The following MPP7 variants were observed in gnomAD, a reference collection of about 807,000 sequenced individuals.
The protein encoded by MPP7 is MAGUK p55 scaffold protein 7.
A neutral mutation model predicts 76.5 loss-of-function variants in MPP7; 60 were observed. The ratio of observed to expected loss-of-function variants is 0.78; its 90% CI spans 0.64 to 0.97. The LOEUF (loss-of-function observed/expected upper bound fraction) is 0.97. Among genes scored for constraint, MPP7 ranks in the 50% least tolerant of loss-of-function variants. The pLI, the probability that MPP7 is intolerant of heterozygous loss-of-function variation, is 0.00. For synonymous variants in MPP7, 237 were observed against 244.5 expected (o/e 0.97, Z 0.29); for missense variants, 641 against 694.0 (o/e 0.92, Z 0.86).
chr10:28,144,080 G>T (rs186676662), intron 5 of MPP7, among the ~76,000 whole-genome samples: 1 of 152,044 alleles, frequency 6.6e-6, no homozygotes, highest in Admixed American at 6.6e-5. Context: ...GTAGAGATGG[G>T]GTTTCACCAT....
intron 11 of MPP7, among the ~76,000 whole-genome samples, chr10:28,107,314 T>G (rs1262638440): frequency 6.6e-6 from 1 of 152,194 alleles, no homozygotes; most frequent in Non-Finnish European, 1.5e-5. Context: ...GATCACCACC[T>G]TCTCTGAATC....
intron 12 of MPP7, among the ~76,000 whole-genome samples, chr10:28,074,428 G>C (rs148843999): frequency 0.022 from 3,328 of 152,222 alleles, 136 homozygotes; most frequent in African/African-American, 0.075. Flanking sequence ...CTCTTGAGTA[G>C]CTGGGATTAC....
intron 2 of MPP7, among the ~76,000 whole-genome samples, chr10:28,204,641 C>T (rs184706019): frequency 7.9e-5 from 12 of 152,226 alleles, no homozygotes; most frequent in African/African-American, 2.9e-4. Context: ...GAGATCATAA[C>T]ATCAATCTAC....
At chr10:28,207,496 C>A (rs1413657421) in intron 2 of MPP7, among the ~76,000 whole-genome samples, 1 of 151,914 alleles carries the variant, frequency 6.6e-6, no homozygotes, top group Non-Finnish European at 1.5e-5. Flanking sequence ...CCAACCTGGG[C>A]AACACAGTGA....
intron 2 of MPP7, 131 bp from the exon 3 acceptor site, chr10:28,202,402 A>G: frequency 1.7e-6 from 1 of 605,178 alleles, no homozygotes; most frequent in South Asian, 2.3e-5. Flanking sequence ...CAAGCTAAAC[A>G]CTTCTCCAAA....
At chr10:28,268,280 C>T (rs1185037157) in intron 1 of MPP7, among the ~76,000 whole-genome samples, 1 of 151,928 alleles carries the variant, frequency 6.6e-6, no homozygotes, top group Non-Finnish European at 1.5e-5. Context: ...AAGGAAAGAG[C>T]CCAATATGTT....
intron 1 of MPP7, among the ~76,000 whole-genome samples, chr10:28,250,570 G>T (rs575605828): frequency 6.6e-6 from 1 of 152,092 alleles, no homozygotes; most frequent in Non-Finnish European, 1.5e-5. Context: ...AGATCCTTAC[G>T]TGATCACTTG....
chr10:28,172,810 G>C (rs1030313499), intron 3 of MPP7, among the ~76,000 whole-genome samples: 2 of 152,068 alleles, frequency 1.3e-5, no homozygotes, highest in Non-Finnish European at 2.9e-5. Flanking sequence ...TTTTCTTTCA[G>C]TCACTACCAG....
intron 1 of MPP7, among the ~76,000 whole-genome samples, chr10:28,279,926 T>A (rs1456047683): frequency 6.6e-6 from 1 of 152,058 alleles, no homozygotes; most frequent in African/African-American, 2.4e-5. Context: ...ATGACTGTCA[T>A]GAGCCAAGGT....
chr10:28,186,321 G>C (rs1225071089), intron 3 of MPP7, among the ~76,000 whole-genome samples: 1 of 150,074 alleles, frequency 6.7e-6, no homozygotes, highest in Non-Finnish European at 1.5e-5. Context: ...ACTCCAGCCT[G>C]GGTGACAGAG....
chr10:28,213,889 A>G (rs1258526261), intron 2 of MPP7, among the ~76,000 whole-genome samples: 1 of 151,726 alleles, frequency 6.6e-6, no homozygotes, highest in Non-Finnish European at 1.5e-5. Flanking sequence ...GAAGTCATAA[A>G]TTGGTATACA....
chr10:28,286,908 T>C (rs1188804861), intron 1 of MPP7, among the ~76,000 whole-genome samples: 2 of 152,180 alleles, frequency 1.3e-5, no homozygotes, highest in Non-Finnish European at 2.9e-5. Flanking sequence ...CCTTTTGACC[T>C]TTTTAATATT....
At chr10:28,236,203 C>T (rs779186527) in intron 2 of MPP7, among the ~76,000 whole-genome samples, 3 of 152,152 alleles carry the variant, frequency 2.0e-5, no homozygotes, top group Non-Finnish European at 4.4e-5. Flanking sequence ...ATGTGTACAT[C>T]TTCCCTTCCA....
rs1009287189 is a variant in MPP7, at chr10:28,275,651, C to T, written c.-132+27210G>A. ...CAAACTCCTGACCTCAAGGGATCCA[C>T]CTGCCTCGGCCTCCCAAAATGCTGG... On this transcript the variant is annotated intron_variant, in intron 1 of 16. Transcript: ENST00000683449. 3.9e-5 allele frequency among the ~76,000 whole-genome samples: 6 copies of T among 152,104 alleles called. No homozygotes were observed. The East Asian group carries it at 5.8e-4, about 15-fold the overall frequency.
In MPP7 at chr10:28,124,072, G is replaced by C. The variant is rs368725914; in HGVS notation, c.574C>G (p.Pro192Ala). The change falls in exon 8 of 17, where the codon CCA (proline) becomes GCA (alanine). Residue 192 changes from proline (P) to alanine (A), a missense_variant. Physicochemically the swap from Pro to Ala is conservative, Grantham distance 27. Transcript: ENST00000683449. ...TCCTCAGGCCTTTTATCCTCCACTG[G>C]TATCCCGTTGACTTCCCTAAGTTCA... ...GDELREVNGI[P>A]VEDKRPEEII... 2.5e-6 allele frequency: 4 copies of C among 1,612,532 alleles called. No individual in the cohort carries two copies. Among genetic ancestry groups the C allele is most frequent in the Non-Finnish European group, 2.5e-6 (3 of 1,178,772 alleles).
At chr10:28,153,702 T>A (rs1407221056) in intron 3 of MPP7, among the ~76,000 whole-genome samples, 2 of 152,188 alleles carry the variant, frequency 1.3e-5, no homozygotes, top group Non-Finnish European at 2.9e-5. Context: ...ATAGAACTTT[T>A]AAAAATAAAG....
At chr10:28,310,232 C>T (rs903286850) in intron 2 of MPP7, among the ~76,000 whole-genome samples, 1 of 152,072 alleles carries the variant, frequency 6.6e-6, no homozygotes, top group Admixed American at 6.6e-5. Flanking sequence ...GAACTCCTGG[C>T]CTCAGGTGAG....
At chr10:28,144,587 A>G (rs1588843748) in intron 5 of MPP7, among the ~76,000 whole-genome samples, 2 of 152,292 alleles carry the variant, frequency 1.3e-5, no homozygotes, top group African/African-American at 4.8e-5. Flanking sequence ...ATGGGACTTC[A>G]CATGCTCTTC....
At chr10:28,282,890 T>A (rs925020779) in intron 1 of MPP7, among the ~76,000 whole-genome samples, 1 of 151,922 alleles carries the variant, frequency 6.6e-6, no homozygotes, top group Non-Finnish European at 1.5e-5. Flanking sequence ...GACTGGAAAG[T>A]TCTATAGCCT....
Sources: gnomAD v4.1 joint callset for allele counts (sites outside exome capture counted in the v4.1 genomes callset) on GRCh38, gnomAD v4.1.1 for gene constraint, MANE v1.5 for transcripts, NCBI Gene and HGNC (gene_info 2026-07-23, HGNC 2026-07-21) for gene names.